Variants in RBFOX1 observed in about 807,000 individuals in gnomAD.
The protein encoded by RBFOX1 is RNA binding protein fox-1 homolog 1.
RBFOX1 carries 8 observed loss-of-function variants against 57.7 expected under a neutral mutation model. That is an observed-to-expected ratio of 0.14 (90% CI 0.08 to 0.25). The LOEUF (loss-of-function observed/expected upper bound fraction) is 0.25. Ranked by LOEUF, RBFOX1 falls within the 10% of genes least tolerant of loss-of-function variation. The pLI is 1.00. For synonymous variants in RBFOX1, 326 were observed against 222.4 expected (o/e 1.47, Z -4.15); for missense variants, 611 against 548.5 (o/e 1.11, Z -1.14).
chr16:5,781,052 A>G (rs1597225607), intron 3 of RBFOX1, among the ~76,000 whole-genome samples: 2 of 152,306 alleles, frequency 1.3e-5, no homozygotes. Flanking sequence ...ATTCTGTTAA[A>G]CTTGGGTTTG....
At chr16:6,998,260 C>T (rs1443989684) in intron 3 of RBFOX1, among the ~76,000 whole-genome samples, 1 of 152,076 alleles carries the variant, frequency 6.6e-6, no homozygotes, top group Non-Finnish European at 1.5e-5. Context: ...TTCCTAAAGC[C>T]TATGGGGTTC....
chr16:6,518,453 A>T (rs1397654460), intron 2 of RBFOX1, among the ~76,000 whole-genome samples: 4 of 152,056 alleles, frequency 2.6e-5, no homozygotes, highest in Non-Finnish European at 5.9e-5. Context: ...ATTTCAATTA[A>T]TGTGCTTCTA....
At chr16:6,635,682 C>A (rs926904589) in intron 2 of RBFOX1, among the ~76,000 whole-genome samples, 1 of 152,222 alleles carries the variant, frequency 6.6e-6, no homozygotes, top group South Asian at 2.1e-4. Context: ...ATGAGTCTTA[C>A]GGTTTTGTGA....
chr16:7,236,031 T>C (rs1158288459), intron 4 of RBFOX1, among the ~76,000 whole-genome samples: 3 of 152,204 alleles, frequency 2.0e-5, no homozygotes, highest in African/African-American at 7.2e-5. Context: ...GGTCATTTTG[T>C]ATAAATAGTT....
chr16:5,691,996 T>A (rs973891487), intron 3 of RBFOX1, among the ~76,000 whole-genome samples: 3 of 140,816 alleles, frequency 2.1e-5, no homozygotes, highest in Admixed American at 7.7e-5. Context: ...CTGCTAAGAA[T>A]GTGCACATTT....
intron 4 of RBFOX1, among the ~76,000 whole-genome samples, chr16:5,990,494 T>G (rs2060374108): frequency 6.6e-6 from 1 of 152,202 alleles, no homozygotes; most frequent in African/African-American, 2.4e-5. Flanking sequence ...CCTATTCCAT[T>G]TCTTTCTTTT....
intron 2 of RBFOX1, among the ~76,000 whole-genome samples, chr16:6,576,454 C>T (rs2097437982): frequency 6.6e-6 from 1 of 152,182 alleles, no homozygotes; most frequent in Non-Finnish European, 1.5e-5. Context: ...AACATTGTAA[C>T]ATAATATTAT....
intron 1 of RBFOX1, among the ~76,000 whole-genome samples, chr16:5,274,187 T>C (rs777880258): frequency 1.1e-4 from 16 of 152,278 alleles, no homozygotes; most frequent in Non-Finnish European, 1.6e-4. Flanking sequence ...TTTTCCCTTT[T>C]TAACCCACAG....
chr16:6,340,715 C>A (rs1470338604), intron 2 of RBFOX1, among the ~76,000 whole-genome samples: 1 of 152,110 alleles, frequency 6.6e-6, no homozygotes, highest in East Asian at 1.9e-4. Context: ...TGAGCAAGGT[C>A]TTTATGACCT....
intron 1 of RBFOX1, among the ~76,000 whole-genome samples, chr16:5,296,652 C>T (rs976270729): frequency 1.3e-5 from 2 of 151,594 alleles, no homozygotes; most frequent in African/African-American, 4.8e-5. Context: ...GCTGCTCCTG[C>T]CAACCACCAT....
intron 1 of RBFOX1, among the ~76,000 whole-genome samples, chr16:5,373,974 A>G (rs1400720133): frequency 1.3e-5 from 2 of 151,134 alleles, no homozygotes; most frequent in East Asian, 2.0e-4. Context: ...CCAGAGTGCA[A>G]TGGTGCGATC....
At chr16:6,217,382 C>G (rs1598451336) in intron 1 of RBFOX1, among the ~76,000 whole-genome samples, 1 of 152,050 alleles carries the variant, frequency 6.6e-6, no homozygotes, top group Admixed American at 6.5e-5. Context: ...GGGAGGATGT[C>G]TCCTACAGTC....
At chr16:6,466,085 C>G (rs2095043261) in intron 2 of RBFOX1, among the ~76,000 whole-genome samples, 1 of 151,746 alleles carries the variant, frequency 6.6e-6, no homozygotes, top group African/African-American at 2.4e-5. Context: ...GAAAATTAGC[C>G]AGGTGTGGTG....
chr16:7,533,989 G>A lies in RBFOX1; in HGVS notation c.270+15600G>A, dbSNP rs181140391. On this transcript the variant is annotated intron_variant, in intron 5 of 15. Coordinates refer to ENST00000550418, the MANE Select transcript of RBFOX1 (RefSeq NM_018723.4). The stretch of plus-strand genomic sequence containing the variant: ...AAGATAAGGAAAAGAGACTCTAAAC[G>A]GTTGTGTAAATTGTTCCAAATAGTG... Among the ~76,000 whole-genome samples, 9 of 152,120 alleles carry A rather than the reference G, an allele frequency of 5.9e-5. No homozygotes were observed. In the East Asian group the frequency reaches 7.8e-4, roughly 13 times the overall value.
At chr16:7,290,482 C>G (rs893489575) in intron 4 of RBFOX1, among the ~76,000 whole-genome samples, 8 of 152,172 alleles carry the variant, frequency 5.3e-5, no homozygotes, top group African/African-American at 1.9e-4. Flanking sequence ...AAGGCCAGCA[C>G]CATGCTTCGC....
chr16:7,445,448 AG>A (rs2098800616), intron 4 of RBFOX1, among the ~76,000 whole-genome samples: 1 of 152,158 alleles, frequency 6.6e-6, no homozygotes, highest in Non-Finnish European at 1.5e-5. Flanking sequence ...CTGCATAACT[AG>A]GACAAGCTTT....
intron 1 of RBFOX1, among the ~76,000 whole-genome samples, chr16:6,119,277 A>G (rs2096530643): frequency 6.6e-6 from 1 of 152,150 alleles, no homozygotes; most frequent in African/African-American, 2.4e-5. Context: ...TTCTCAGCTC[A>G]GATTATCTGC....
chr16:6,991,411 C>T (rs1221043091), intron 3 of RBFOX1, among the ~76,000 whole-genome samples: 1 of 152,154 alleles, frequency 6.6e-6, no homozygotes, highest in Admixed American at 6.5e-5. Flanking sequence ...CCGTTTGGGC[C>T]TCAGGAAGCT....
intron 1 of RBFOX1, among the ~76,000 whole-genome samples, chr16:6,223,811 C>A (rs1220327007): frequency 6.6e-6 from 1 of 152,120 alleles, no homozygotes; most frequent in Admixed American, 6.5e-5. Flanking sequence ...CCTAGGTTTT[C>A]TTCTAGGGTT....
Sources: allele counts gnomAD v4.1 joint callset (sites outside exome capture counted in the v4.1 genomes callset), GRCh38; gene constraint gnomAD v4.1.1; transcripts MANE v1.5; gene names NCBI Gene and HGNC (gene_info 2026-07-23, HGNC 2026-07-21).